The following STXBP6 variants were observed in gnomAD, a reference collection of about 807,000 sequenced individuals.
STXBP6 encodes the protein syntaxin binding protein 6.
STXBP6 carries 21 observed loss-of-function variants against 26.9 expected under a neutral mutation model. That is an observed-to-expected ratio of 0.78 (90% CI 0.55 to 1.12). The LOEUF (loss-of-function observed/expected upper bound fraction) is 1.12, where lower values mean the gene tolerates loss of function less well. STXBP6 is among the 50% of genes most tolerant of loss of function. The pLI is 0.00. For synonymous variants in STXBP6, 97 were observed against 92.6 expected, an observed-to-expected ratio of 1.05 and a Z score of -0.27; for missense variants, 232 against 257.9, an observed-to-expected ratio of 0.90 and a Z score of 0.69.
At chr14:24,891,027 C>T (rs1006974651) in intron 2 of STXBP6, among the ~76,000 whole-genome samples, 5 of 152,178 alleles carry the variant, frequency 3.3e-5, no homozygotes, top group Middle Eastern at 3.2e-3. Context: ...CTTGTCTTTA[C>T]TTTTTTCCTG....
chr14:24,834,292 C>A (rs1434057197), intron 4 of STXBP6, among the ~76,000 whole-genome samples: 1 of 152,132 alleles, frequency 6.6e-6, no homozygotes, highest in African/African-American at 2.4e-5. Flanking sequence ...TTGCACCCAG[C>A]CTAAGAGAAT....
At chr14:24,999,406 A>C (rs562887804) in intron 1 of STXBP6, among the ~76,000 whole-genome samples, 1 of 152,342 alleles carries the variant, frequency 6.6e-6, no homozygotes, top group South Asian at 2.1e-4. Flanking sequence ...AGAGTGCTGA[A>C]AGAAAAGAAC....
At chr14:24,900,824 T>C (rs2071185593) in intron 2 of STXBP6, among the ~76,000 whole-genome samples, 1 of 152,208 alleles carries the variant, frequency 6.6e-6, no homozygotes, top group South Asian at 2.1e-4. Flanking sequence ...ATAAGGCAAA[T>C]ACAGTGTCTG....
intron 2 of STXBP6, among the ~76,000 whole-genome samples, chr14:24,900,370 C>G (rs1295571441): frequency 6.6e-6 from 1 of 152,134 alleles, no homozygotes; most frequent in Non-Finnish European, 1.5e-5. Flanking sequence ...CATCGGACTC[C>G]AACAGAACTC....
chr14:24,996,235 T>A (rs1330825436), intron 1 of STXBP6, among the ~76,000 whole-genome samples: 1 of 152,202 alleles, frequency 6.6e-6, no homozygotes, highest in African/African-American at 2.4e-5. Context: ...AGACAAAAGC[T>A]CCTAGATTAA....
At position 25,049,548 on chromosome 14, in the gene STXBP6, A is replaced by T; in HGVS notation, c.-33+330T>A. The T allele has an allele frequency of 4.1e-6, 4 of 985,350 alleles. No homozygotes were observed. The highest frequency in any genetic ancestry group is 4.8e-6 in the Non-Finnish European group (4 of 830,006). The allele number at this position is 985,350 out of a possible 1,614,324, so 61.0% of individuals were successfully genotyped here. A position where few individuals can be genotyped will look rare whatever the true frequency, so the allele number is the denominator to read the frequency against. On this transcript the variant is annotated intron_variant, in intron 1 of 5. Transcript: ENST00000323944. The surrounding 1 kb of genome is among the most constrained non-coding windows in gnomAD (Gnocchi z 5.6). ...GCCATCGCGGGGACGGTGCGGAAAA[A>T]AAGGCTCCATCCTCAACTTTCTCGG...
intron 2 of STXBP6, chr14:24,878,549 A>G: frequency 6.4e-6 from 1 of 156,216 alleles, no homozygotes; most frequent in South Asian, 1.9e-4. Context: ...GTGACCTTCA[A>G]TCCTTTCAGA....
intron 1 of STXBP6, among the ~76,000 whole-genome samples, chr14:25,007,509 A>G (rs1271852438): frequency 6.6e-6 from 1 of 152,122 alleles, no homozygotes; most frequent in African/African-American, 2.4e-5. Flanking sequence ...CCCTCAGCAC[A>G]ATTCCCATCC....
At chr14:24,902,573 A>G (rs534510801) in intron 2 of STXBP6, among the ~76,000 whole-genome samples, 1 of 152,344 alleles carries the variant, frequency 6.6e-6, no homozygotes, top group East Asian at 1.9e-4. Flanking sequence ...CTACAGACAG[A>G]CAGCTGATGA....
rs928653003 is a variant in STXBP6, at chr14:25,049,161, T to A, written c.-33+717A>T. On this transcript the variant is annotated intron_variant, in intron 1 of 5. Coordinates refer to ENST00000323944, the MANE Select transcript of STXBP6 (RefSeq NM_001394410.1). The surrounding 1 kb of genome is among the most constrained non-coding windows in gnomAD (Gnocchi z 5.6). The stretch of plus-strand genomic sequence containing the variant: ...GGGGTGGGGTGGTGAGGTGGCGGGG[T>A]GTTGTAAACCTGAGGAAAGGTTGGA... 13 of 985,116 alleles carry A rather than the reference T, an allele frequency of 1.3e-5. No homozygotes were observed. The highest frequency in any genetic ancestry group is 1.6e-5 in the Non-Finnish European group (13 of 830,000). The allele number at this position is 985,116 out of a possible 1,614,324, so 61.0% of individuals were successfully genotyped here.
intron 1 of STXBP6, among the ~76,000 whole-genome samples, chr14:25,042,062 C>G (rs937352006): frequency 6.6e-6 from 1 of 152,168 alleles, no homozygotes; most frequent in East Asian, 1.9e-4. Context: ...ACTATTTGTA[C>G]GTATTGTTTC....
At chr14:24,939,777 T>G (rs546768556) in intron 2 of STXBP6, among the ~76,000 whole-genome samples, 1 of 152,320 alleles carries the variant, frequency 6.6e-6, no homozygotes, top group South Asian at 2.1e-4. Context: ...AATATAAGAT[T>G]ATTGAGTTAT....
At chr14:24,966,640 T>C (rs2073742916) in intron 2 of STXBP6, among the ~76,000 whole-genome samples, 1 of 152,210 alleles carries the variant, frequency 6.6e-6, no homozygotes, top group Non-Finnish European at 1.5e-5. Flanking sequence ...GAAAGACAAA[T>C]GTTATTATCA....
chr14:24,915,764 C>G (rs138150774), intron 2 of STXBP6, among the ~76,000 whole-genome samples: 109 of 152,154 alleles, frequency 7.2e-4, no homozygotes, highest in South Asian at 4.2e-3. Context: ...ATGAATGAAT[C>G]AATCAATCAA....
intron 5 of STXBP6, among the ~76,000 whole-genome samples, chr14:24,818,337 C>T (rs574092886): frequency 1.3e-5 from 2 of 152,308 alleles, no homozygotes; most frequent in South Asian, 4.1e-4. Flanking sequence ...ATAAAAACTG[C>T]CCCTTTCCCT....
chr14:24,981,821 G>A (rs535441884), intron 1 of STXBP6, among the ~76,000 whole-genome samples: 6 of 152,184 alleles, frequency 3.9e-5, no homozygotes, highest in Non-Finnish European at 7.4e-5. Flanking sequence ...ATCTTCATTG[G>A]TTAAATACAG....
At chr14:25,036,951 C>T (rs751411691) in intron 1 of STXBP6, among the ~76,000 whole-genome samples, 5 of 151,922 alleles carry the variant, frequency 3.3e-5, no homozygotes, top group Non-Finnish European at 4.4e-5. Flanking sequence ...GCTTTTTACA[C>T]GGAATATACA....
At chr14:24,944,539 T>C (rs1013314094) in intron 2 of STXBP6, among the ~76,000 whole-genome samples, 1 of 152,126 alleles carries the variant, frequency 6.6e-6, no homozygotes, top group Admixed American at 6.5e-5. Context: ...AGACATGGCA[T>C]TTTGTCATGT....
intron 1 of STXBP6, among the ~76,000 whole-genome samples, chr14:25,003,376 A>T (rs1189883620): frequency 6.6e-6 from 1 of 152,140 alleles, no homozygotes; most frequent in Non-Finnish European, 1.5e-5. Flanking sequence ...TCATTATTGA[A>T]ATGTGCTTTT....
Sources: allele counts gnomAD v4.1 joint callset (sites outside exome capture counted in the v4.1 genomes callset), GRCh38; gene constraint gnomAD v4.1.1; non-coding constraint Gnocchi (gnomAD v3.1); transcripts MANE v1.5; gene names NCBI Gene and HGNC (gene_info 2026-07-23, HGNC 2026-07-21).